The following CDH8 variants were observed in gnomAD, a reference collection of about 807,000 sequenced individuals.
The protein encoded by CDH8 is cadherin 8, also known as cadherin-8.
In CDH8, 17 loss-of-function variants were observed where a neutral mutation model predicts 68.1. The ratio of observed to expected loss-of-function variants is 0.25; its 90% CI spans 0.17 to 0.37. CDH8 has a LOEUF of 0.37. Among genes scored for constraint, CDH8 ranks in the 10% least tolerant of loss-of-function variants. The pLI is 1.00. For synonymous variants in CDH8, 372 were observed against 365.1 expected (o/e 1.02, Z -0.21); for missense variants, 763 against 999.3 (o/e 0.76, Z 3.19).
At chr16:61,691,686 C>G (rs1445488056) in intron 10 of CDH8, 1 of 151,616 alleles carries the variant, frequency 6.6e-6, no homozygotes, top group Admixed American at 6.6e-5. Context: ...CACAGGAACA[C>G]AGTTCACTCT....
At position 62,021,431 on chromosome 16, in the gene CDH8, G is replaced by GA. The variant is rs35617969; in HGVS notation, c.-29dup. ...TCCCACCAGTTAAGCAAATCACCACGAAAATGAGACAATTATTTTTTTTGT... is the reference window on the plus strand; with the variant it reads ...TCCCACCAGTTAAGCAAATCACCACGAAAAATGAGACAATTATTTTTTTTGT... On this transcript the variant is annotated 5_prime_UTR_variant, in exon 2 of 12. Transcript: ENST00000577390. 1.3e-6 allele frequency: 2 copies of GA among 1,575,148 alleles called. No homozygotes were observed. Among genetic ancestry groups the GA allele is most frequent in the Non-Finnish European group, 1.7e-6 (2 of 1,160,560 alleles).
At chr16:62,005,974 G>C (rs540618168) in intron 2 of CDH8, among the ~76,000 whole-genome samples, 28 of 152,282 alleles carry the variant, frequency 1.8e-4, no homozygotes, top group Admixed American at 1.7e-3. Context: ...GGCCTGCTCT[G>C]TAGGGCAACC....
At chr16:61,666,216 A>G (rs948524914) in intron 10 of CDH8, among the ~76,000 whole-genome samples, 6 of 131,666 alleles carry the variant, frequency 4.6e-5, no homozygotes, top group East Asian at 2.0e-4. Context: ...GTATATATAT[A>G]TATATGTATA....
intron 2 of CDH8, among the ~76,000 whole-genome samples, chr16:62,015,234 A>G (rs1901907630): frequency 6.6e-6 from 1 of 152,208 alleles, no homozygotes; most frequent in South Asian, 2.1e-4. Context: ...GTGTAAGGTA[A>G]ATATGAAACA....
At chr16:61,960,870 C>T (rs1452054891) in intron 2 of CDH8, among the ~76,000 whole-genome samples, 2 of 152,120 alleles carry the variant, frequency 1.3e-5, no homozygotes, top group Non-Finnish European at 2.9e-5. Flanking sequence ...TGCCCACTTT[C>T]CCTTGTCTGC....
At chr16:61,945,400 C>T (rs1964785786) in intron 2 of CDH8, among the ~76,000 whole-genome samples, 2 of 139,612 alleles carry the variant, frequency 1.4e-5, no homozygotes, top group Admixed American at 1.5e-4. Flanking sequence ...TCAGTCCTGC[C>T]AAAAGGCCAA....
At position 61,942,978 on chromosome 16, in the gene CDH8, T is replaced by C. The variant is rs1357728596; in HGVS notation, c.253-41505A>G. 1.3e-5 allele frequency among the ~76,000 whole-genome samples: 2 copies of C among 152,176 alleles called. 1 individual carries two copies. Among genetic ancestry groups the C allele is most frequent in the African/African-American group, 4.8e-5 (2 of 41,434 alleles). On this transcript the variant is annotated intron_variant, in intron 2 of 11. Transcript: ENST00000577390. The stretch of plus-strand genomic sequence containing the variant: ...GAGAAGCTTAGGTGGGAAGATCGCT[T>C]GAGTCCGGGAGGCAGAGGTTGCAGT...
At chr16:61,827,349 G>A (rs1428031275) in intron 4 of CDH8, among the ~76,000 whole-genome samples, 1 of 151,844 alleles carries the variant, frequency 6.6e-6, no homozygotes, top group Admixed American at 6.6e-5. Flanking sequence ...GCAAAATAAT[G>A]TTGTTCTCCA....
chr16:61,913,923 G>A (rs978856705), intron 2 of CDH8, among the ~76,000 whole-genome samples: 1 of 152,074 alleles, frequency 6.6e-6, no homozygotes, highest in African/African-American at 2.4e-5. Flanking sequence ...AAATCCATAT[G>A]TTGAAGCCCT....
chr16:61,981,102 C>A lies in CDH8; in HGVS notation c.252+40050G>T, dbSNP rs147833816. 8.5e-3 allele frequency among the ~76,000 whole-genome samples: 1,290 copies of A among 152,196 alleles called. 16 individuals carry two copies. Among genetic ancestry groups the A allele is most frequent in the Non-Finnish European group, 0.013 (864 of 68,012 alleles). ...TCAGAAAGAACTTAGAAAGTGTTAGCTATTTGGCACATAGAAACAACTTAT... is the reference window on the plus strand; with the variant it reads ...TCAGAAAGAACTTAGAAAGTGTTAGATATTTGGCACATAGAAACAACTTAT... On this transcript the variant is annotated intron_variant, in intron 2 of 11. Transcript: ENST00000577390.
intron 8 of CDH8, among the ~76,000 whole-genome samples, chr16:61,759,203 A>C (rs1960398022): frequency 6.6e-6 from 1 of 152,200 alleles, no homozygotes; most frequent in Admixed American, 6.5e-5. Context: ...ATATTTAAAG[A>C]AAGCATATTG....
At chr16:61,996,733 T>C (rs1245941264) in intron 2 of CDH8, among the ~76,000 whole-genome samples, 4 of 152,178 alleles carry the variant, frequency 2.6e-5, no homozygotes, top group African/African-American at 9.7e-5. Flanking sequence ...AGGTCTACAA[T>C]TTATTTATTC....
intron 2 of CDH8, among the ~76,000 whole-genome samples, chr16:61,948,342 C>A (rs1462203745): frequency 1.3e-5 from 2 of 152,062 alleles, no homozygotes; most frequent in Non-Finnish European, 2.9e-5. Flanking sequence ...GAGAACACAG[C>A]CAAAATCTAA....
At position 62,021,389 on chromosome 16, in the gene CDH8, T is replaced by C; in HGVS notation, c.15A>G (p.Leu5=). 6.2e-7 allele frequency: 1 copy of C among 1,610,372 alleles called. No homozygotes were observed. The highest frequency in any genetic ancestry group is 8.5e-7 in the Non-Finnish European group (1 of 1,177,180). The change falls in exon 2 of 12, where the codon CTA becomes CTG. Residue 5 remains leucine, a synonymous_variant. Coordinates refer to ENST00000577390, the MANE Select transcript of CDH8 (RefSeq NM_001796.5). ...TCCAGAGATCCAAGAGCATTTCCGC[T>C]AGCCGTTCTGGCATGGTCCCACCAG... The part of the protein sequence containing the change: MPER[L]AEMLLDLWTP...
chr16:61,816,491 T>A (rs574339737), intron 7 of CDH8, among the ~76,000 whole-genome samples: 1 of 152,324 alleles, frequency 6.6e-6, no homozygotes, highest in Admixed American at 6.5e-5. Flanking sequence ...TGGTATGAGC[T>A]GACATCAAAC....
chr16:61,904,389 G>A (rs548174095), intron 2 of CDH8, among the ~76,000 whole-genome samples: 5 of 152,148 alleles, frequency 3.3e-5, no homozygotes, highest in East Asian at 1.9e-4. Context: ...AGATTATGGC[G>A]CCAAAGATAT....
At position 61,959,993 on chromosome 16, in the gene CDH8, T is replaced by TATATATAC. The variant is rs1412478711; in HGVS notation, c.253-58521_253-58520insGTATATAT. On this transcript the variant is annotated intron_variant, in intron 2 of 11. Coordinates refer to ENST00000577390, the MANE Select transcript of CDH8 (RefSeq NM_001796.5). ...GTATGTGTGTGTGTGTGTATATATA[T>TATATATAC]ATATATATATATATATATATATACA... Among the ~76,000 whole-genome samples the TATATATAC allele has an allele frequency of 5.5e-4, 42 of 76,298 alleles. 5 individuals are homozygous for TATATATAC. Among genetic ancestry groups the TATATATAC allele is most frequent in the Non-Finnish European group, 6.6e-4 (29 of 43,654 alleles). 50.1% of individuals were successfully genotyped at this position (76,298 alleles called of 152,430 possible).
intron 10 of CDH8, among the ~76,000 whole-genome samples, chr16:61,668,927 C>T (rs115850268): frequency 6.6e-6 from 1 of 151,818 alleles, no homozygotes; most frequent in Non-Finnish European, 1.5e-5. Context: ...AGTAGTTGAG[C>T]CAAAGAGTAA....
intron 8 of CDH8, among the ~76,000 whole-genome samples, chr16:61,760,069 C>T (rs1960423674): frequency 1.3e-5 from 2 of 151,996 alleles, no homozygotes; most frequent in Admixed American, 1.3e-4. Flanking sequence ...AGAACCAAAA[C>T]AAACCTCAGT....
Sources: allele counts gnomAD v4.1 joint callset (sites outside exome capture counted in the v4.1 genomes callset), GRCh38; gene constraint gnomAD v4.1.1; transcripts MANE v1.5; gene names NCBI Gene and HGNC (gene_info 2026-07-23, HGNC 2026-07-21).